The following GLP2R variants were observed in gnomAD, a reference collection of about 807,000 sequenced individuals.
The protein encoded by GLP2R is glucagon like peptide 2 receptor, also known as glucagon-like peptide 2 receptor.
GLP2R carries 59 observed loss-of-function variants against 68.2 expected under a neutral mutation model. The observed-to-expected ratio is 0.87, with a 90% CI of 0.70 to 1.07. GLP2R has a LOEUF of 1.07. Among genes scored for constraint, GLP2R ranks in the 50% least tolerant of loss-of-function variants. GLP2R has a pLI of 0.00. For missense variants in GLP2R, 548 were observed against 677.4 expected (o/e 0.81, Z 2.12); for synonymous variants, 270 against 265.4 (o/e 1.02, Z -0.17).
At chr17:9,873,828 G>A (rs989368446) in intron 10 of GLP2R, among the ~76,000 whole-genome samples, 4 of 152,038 alleles carry the variant, frequency 2.6e-5, no homozygotes, top group East Asian at 1.9e-4. Context: ...TAAACAGAAA[G>A]GTGGCCAACG....
chr17:9,841,112 G>T (rs1415526673), intron 3 of GLP2R, among the ~76,000 whole-genome samples: 1 of 150,870 alleles, frequency 6.6e-6, no homozygotes, highest in Non-Finnish European at 1.5e-5. Context: ...TGCCTCCCAG[G>T]TTCAAGCAAT....
intron 5 of GLP2R, 122 bp from the exon 6 acceptor site, chr17:9,857,301 C>A: frequency 3.7e-6 from 3 of 808,538 alleles, no homozygotes; most frequent in Non-Finnish European, 6.0e-6. Flanking sequence ...AGCAGTCCAG[C>A]TCTGCAGCCT....
intron 11 of GLP2R, among the ~76,000 whole-genome samples, chr17:9,880,996 G>T (rs114547855): frequency 6.6e-6 from 1 of 152,240 alleles, no homozygotes; most frequent in African/African-American, 2.4e-5. Flanking sequence ...AGCTGTGGTT[G>T]TTACCTGGAA....
intron 10 of GLP2R, 85 bp downstream of exon 10, chr17:9,870,920 T>A (rs2067087043): frequency 1.3e-6 from 1 of 748,026 alleles, no homozygotes; most frequent in African/African-American, 1.7e-5. Context: ...GGAAGGACAT[T>A]TATCTCCTAA....
intron 6 of GLP2R, among the ~76,000 whole-genome samples, chr17:9,859,354 T>G (rs1051529794): frequency 4.6e-5 from 7 of 152,200 alleles, no homozygotes; most frequent in Admixed American, 2.0e-4. Context: ...GTGAATTTTC[T>G]ACATTTTTGT....
rs1048676889 is a variant in GLP2R at position 9,854,501 on chromosome 17, C to T, written c.511C>T (p.Arg171Cys). 2 of 1,596,054 alleles carry T rather than the reference C, an allele frequency of 1.3e-6. No individual in the cohort carries two copies. Among genetic ancestry groups the T allele is most frequent in the African/African-American group, 1.3e-5 (1 of 74,548 alleles). The change falls in exon 5 of 13, where the codon CGT becomes TGT. Residue 171 changes from arginine (R) to cysteine (C), a missense_variant. By Grantham distance (180) the Arg-to-Cys change is radical. Transcript: ENST00000262441. ...GCTCTTCCTCTGTGTTCAGGTGGAT[C>T]GTTATGCCTTGCTGTCAACCTTGCA... ...ENHSFKQNVD[R>C]YALLSTLQLM...
intron 6 of GLP2R, among the ~76,000 whole-genome samples, chr17:9,858,674 A>G (rs1304539230): frequency 6.6e-6 from 1 of 152,210 alleles, no homozygotes; most frequent in Non-Finnish European, 1.5e-5. Context: ...TCCAGATTCT[A>G]TTTCTTCTGT....
Position 9,890,529 on chromosome 17 carries a change from G to T in GLP2R, c.*824G>T, listed in dbSNP as rs766556834. ...GGGGACCCTCTGAATGTCGTCTTTG[G>T]TCTGTTCCTCTCCTTTCTGGCTCTA... is the stretch of plus-strand genomic sequence containing the variant. On this transcript the variant is annotated 3_prime_UTR_variant, in exon 13 of 13. Transcript: ENST00000262441. The T allele has an allele frequency of 6.4e-6, 1 of 155,368 alleles. No homozygotes were observed. The highest frequency in any genetic ancestry group is 2.4e-5 in the African/African-American group (1 of 41,422). 9.6% of individuals were successfully genotyped at this position (155,368 alleles called of 1,614,324 possible).
At position 9,842,617 on chromosome 17, in the gene GLP2R, G is replaced by A. The variant is rs781109813; in HGVS notation, c.504+1G>A. 5.8e-5 allele frequency: 94 copies of A among 1,613,292 alleles called. No homozygotes were observed. The Admixed American group carries it at 1.4e-3, about 24-fold the overall frequency. On this transcript the variant is annotated splice_donor_variant, in intron 4 of 12. Coordinates refer to ENST00000262441, the MANE Select transcript of GLP2R (RefSeq NM_004246.3). LOFTEE classifies it high-confidence loss of function. ...CGAGAACCACAGCTTCAAGCAAAAC[G>A]TGAGTTTGCTCAGCTCAGTGAGGAG...
At chr17:9,826,680 C>T (rs2066635074) in intron 1 of GLP2R, among the ~76,000 whole-genome samples, 1 of 152,008 alleles carries the variant, frequency 6.6e-6, no homozygotes, top group Non-Finnish European at 1.5e-5. Flanking sequence ...TTTCCTTTCC[C>T]TTCTGTTTCC....
At chr17:9,879,371 C>T (rs1478616448) in intron 10 of GLP2R, among the ~76,000 whole-genome samples, 1 of 150,866 alleles carries the variant, frequency 6.6e-6, no homozygotes, top group African/African-American at 2.4e-5. Flanking sequence ...GTTGTGCACA[C>T]CTATAGTCCC....
intron 1 of GLP2R, among the ~76,000 whole-genome samples, chr17:9,826,517 C>T (rs114042901): frequency 6.6e-6 from 1 of 152,224 alleles, no homozygotes; most frequent in African/African-American, 2.4e-5. Context: ...TCCCCCCAAC[C>T]AGCCCCGCAT....
chr17:9,860,248 T>C (rs1319702042), intron 7 of GLP2R, 147 bp downstream of exon 7: 1 of 715,202 alleles, frequency 1.4e-6, no homozygotes, highest in African/African-American at 1.8e-5. Flanking sequence ...TGAAGAGGGG[T>C]ATGTGTGTGC....
At chr17:9,882,991 C>CAAAA (rs3073990) in intron 11 of GLP2R, among the ~76,000 whole-genome samples, 1 of 126,116 alleles carries the variant, frequency 7.9e-6, no homozygotes. Flanking sequence ...ATACTCAGGA[C>CAAAA]AAAAAAAAAA....
At chr17:9,872,595 A>T (rs2067105340) in intron 10 of GLP2R, among the ~76,000 whole-genome samples, 2 of 152,130 alleles carry the variant, frequency 1.3e-5, no homozygotes. Context: ...AACAAACAAA[A>T]AACGGTGTAC....
chr17:9,836,676 A>G (rs2066734622), intron 3 of GLP2R, among the ~76,000 whole-genome samples: 2 of 151,922 alleles, frequency 1.3e-5, no homozygotes, highest in African/African-American at 2.4e-5. Context: ...GTAGGTGTAT[A>G]TATTTGTGGG....
chr17:9,853,275 G>A (rs1440535209), intron 4 of GLP2R: 16 of 279,304 alleles, frequency 5.7e-5, no homozygotes, highest in African/African-American at 2.3e-4. Flanking sequence ...TGGGGCCTCC[G>A]GGGGCTCATG....
In GLP2R at chr17:9,834,024, G is replaced by A. The variant is rs2066704911; in HGVS notation, c.277+130G>A. ...GTGAGGAATTCAGACAGGGCACACT[G>A]GGGATGGCTTGTTTCCGCTCTGTAA... On this transcript the variant is annotated intron_variant, in intron 2 of 12. Coordinates refer to ENST00000262441, the MANE Select transcript of GLP2R (RefSeq NM_004246.3). The A allele has an allele frequency of 2.2e-5, 16 of 723,688 alleles. No homozygotes were observed. The South Asian group carries it at 2.3e-4, about 10-fold the overall frequency. 44.8% of individuals were successfully genotyped at this position (723,688 alleles called of 1,614,324 possible). A position where few individuals can be genotyped will look rare whatever the true frequency, so the allele number is the denominator to read the frequency against.
At chr17:9,863,200 C>T (rs1218744635) in intron 9 of GLP2R, among the ~76,000 whole-genome samples, 1 of 152,206 alleles carries the variant, frequency 6.6e-6, no homozygotes, top group African/African-American at 2.4e-5. Flanking sequence ...CTGCCCTCCA[C>T]AGTCCTCTCT....
Sources: gnomAD v4.1 joint callset for allele counts (sites outside exome capture counted in the v4.1 genomes callset) on GRCh38, gnomAD v4.1.1 for gene constraint, MANE v1.5 for transcripts, NCBI Gene and HGNC (gene_info 2026-07-23, HGNC 2026-07-21) for gene names.